Variants in DEF8 observed in about 807,000 individuals in gnomAD.
The protein encoded by DEF8 is differentially expressed in FDCP 8 homolog.
DEF8 carries 38 observed loss-of-function variants against 59.1 expected under a neutral mutation model. That is an observed-to-expected ratio of 0.64 (90% CI 0.50 to 0.84). The LOEUF is 0.84. Ranked by LOEUF, DEF8 falls within the 40% of genes least tolerant of loss-of-function variation. DEF8 has a pLI of 0.00. For missense variants in DEF8, 557 were observed against 615.2 expected (o/e 0.91, Z 1.00); for synonymous variants, 265 against 250.1 (o/e 1.06, Z -0.56).
intron 1 of DEF8, among the ~76,000 whole-genome samples, chr16:89,949,033 G>T (rs2031356616): frequency 1.2e-5 from 1 of 80,938 alleles, no homozygotes; most frequent in Admixed American, 1.0e-4. Flanking sequence ...GGCCGGCGGG[G>T]ACGGGGTCGG....
rs1452715560 is a variant in DEF8, at chr16:89,964,544, G to A, written c.1222G>A (p.Val408Met). Residue 408 changes from valine to methionine, a missense_variant, in exon 12 of 13, where the codon GTG (valine) becomes ATG (methionine). Val to Met is a conservative substitution (Grantham distance 21, BLOSUM62 1). Coordinates refer to ENST00000563594, the MANE Select transcript of DEF8 (RefSeq NM_001242818.2). ...VLFPFDSHTS[V>M]CADCSAVFHR... ...GTTCCCGTTCGACAGCCACACGTCT[G>A]TGTGCGCCGACTGCTCCGCGGTCTT... The A allele has an allele frequency of 1.3e-6, 2 of 1,588,282 alleles. No individual in the cohort carries two copies.
chr16:89,960,923 C>T lies in DEF8; in HGVS notation c.515-8C>T, dbSNP rs368319080. 1.2e-6 allele frequency: 2 copies of T among 1,610,734 alleles called. No individual in the cohort carries two copies. Among genetic ancestry groups the T allele is most frequent in the African/African-American group, 2.7e-5 (2 of 74,862 alleles). On this transcript the variant is annotated splice_polypyrimidine_tract_variant and splice_region_variant and intron_variant, in intron 6 of 12. Coordinates refer to ENST00000563594, the MANE Select transcript of DEF8 (RefSeq NM_001242818.2). ...CGCTTTTGAGAAGTGTGTGTCCCTCCACCCTAGGGTGTTATTACCGCTGTC... is the reference window on the plus strand; with the variant it reads ...CGCTTTTGAGAAGTGTGTGTCCCTCTACCCTAGGGTGTTATTACCGCTGTC...
At chr16:89,951,129 G>A (rs561937407) in intron 2 of DEF8, among the ~76,000 whole-genome samples, 120 of 152,348 alleles carry the variant, frequency 7.9e-4, no homozygotes, top group Non-Finnish European at 1.2e-3. Context: ...AGACATGGGA[G>A]AATGGAGGCA....
Position 89,964,528 on chromosome 16 carries a change from C to G in DEF8, c.1206C>G (p.Phe402Leu). 1.3e-6 allele frequency: 2 copies of G among 1,595,616 alleles called. No homozygotes were observed. The highest frequency in any genetic ancestry group is 2.3e-5 in the South Asian group (2 of 88,128). The change falls in exon 12 of 13, where the codon TTC becomes TTG. Residue 402 changes from phenylalanine to leucine, a missense_variant. Physicochemically the swap from Phe to Leu is conservative, Grantham distance 22 (BLOSUM62 0). Transcript: ENST00000563594. ...LCREGDVLFP[F>L]DSHTSVCADC... ...GAGAGGGCGACGTGCTGTTCCCGTT[C>G]GACAGCCACACGTCTGTGTGCGCCG...
rs2034449856 is a variant in DEF8, at chr16:89,964,643, T to C, written c.1253+68T>C. On this transcript the variant is annotated intron_variant, in intron 12 of 12. Coordinates refer to ENST00000563594, the MANE Select transcript of DEF8 (RefSeq NM_001242818.2). The stretch of plus-strand genomic sequence containing the variant: ...CGCTGTCCTCTGGGGAGCTGCCCCT[T>C]GGCCTCCGGTAGGATGATGCCGTGG... 3.3e-6 allele frequency: 4 copies of C among 1,226,848 alleles called. No individual in the cohort carries two copies. The South Asian group carries it at 5.2e-5, about 16-fold the overall frequency. The allele number at this position is 1,226,848 out of a possible 1,614,324, so 76.0% of individuals were successfully genotyped here.
chr16:89,962,147 T>TG, intron 9 of DEF8, 22 bp downstream of exon 9: 2 of 1,591,160 alleles, frequency 1.3e-6, no homozygotes, highest in Non-Finnish European at 8.6e-7. Flanking sequence ...GCCATGGAAG[T>TG]GGGGGGCGGG....
chr16:89,963,664 A>G (rs1384194703), intron 10 of DEF8: 2 of 566,794 alleles, frequency 3.5e-6, no homozygotes, highest in Non-Finnish European at 6.3e-6. Flanking sequence ...GTGAATCTCC[A>G]TGGGGTGGGT....
At chr16:89,953,686 G>A (rs1487806305) in intron 2 of DEF8, among the ~76,000 whole-genome samples, 1 of 152,218 alleles carries the variant, frequency 6.6e-6, no homozygotes, top group Non-Finnish European at 1.5e-5. Flanking sequence ...ACCTGTGGCA[G>A]AGCAGGAATG....
Position 89,957,553 on chromosome 16 carries a change from A to G in DEF8, c.265A>G (p.Ile89Val). The G allele has an allele frequency of 6.3e-7, 1 of 1,592,934 alleles. No homozygotes were observed. The part of the protein sequence containing the change: ...ASDVQQLRQA[I>V]EECKQVILEL... ...TGACGTCCAGCAGCTGCGGCAGGCG[A>G]TCGAGGAGTGCAAGCAGGTGATTCT... The change falls in exon 5 of 13, where the codon ATC becomes GTC. Residue 89 changes from isoleucine to valine, a missense_variant. Transcript: ENST00000563594.
At chr16:89,960,874 C>G in intron 6 of DEF8, 57 bp from the exon 7 acceptor site, 1 of 1,569,438 alleles carries the variant, frequency 6.4e-7, no homozygotes, top group Non-Finnish European at 8.7e-7. Context: ...CTGAGGGTGG[C>G]CTGGGCTGCA....
intron 10 of DEF8, chr16:89,963,958 G>C: frequency 1.5e-6 from 1 of 669,956 alleles, no homozygotes; most frequent in Non-Finnish European, 2.7e-6. Context: ...AGGGAGTGGA[G>C]GGCGGGGGGC....
chr16:89,954,760 T>C lies in DEF8; in HGVS notation c.124+384T>C, dbSNP rs1015468586. On this transcript the variant is annotated intron_variant, in intron 3 of 12. Transcript: ENST00000563594. This position sits in a 1 kb window ranked among gnomAD's most constrained non-coding sequence, Gnocchi z 4.3. ...AACTGCAGATGAGGTCATCAGGGAG[T>C]GCTTGGAGCGGGGCAGCTGCAGAGA... Among the ~76,000 whole-genome samples, 1 of 152,070 alleles carries C rather than the reference T, an allele frequency of 6.6e-6. No homozygotes were observed. The highest frequency in any genetic ancestry group is 1.9e-4 in the East Asian group (1 of 5,188).
In DEF8 at chr16:89,966,803, G is replaced by C. The variant is rs1275577540; in HGVS notation, c.*840G>C. On this transcript the variant is annotated 3_prime_UTR_variant, in exon 13 of 13. Coordinates refer to ENST00000563594, the MANE Select transcript of DEF8 (RefSeq NM_001242818.2). ...TGGGGGAGGTTCCAGTTAGGCGATGGGATCCTGCAGTGGTCTGGTGGCATT... is the reference window on the plus strand; with the variant it reads ...TGGGGGAGGTTCCAGTTAGGCGATGCGATCCTGCAGTGGTCTGGTGGCATT... 1.3e-5 allele frequency: 2 copies of C among 153,608 alleles called. No individual in the cohort carries two copies. Among genetic ancestry groups the C allele is most frequent in the African/African-American group, 4.8e-5 (2 of 41,494 alleles). The allele number at this position is 153,608 out of a possible 1,614,324, so 9.5% of individuals were successfully genotyped here. A position where few individuals can be genotyped will look rare whatever the true frequency, so the allele number is the denominator to read the frequency against.
At position 89,962,077 on chromosome 16, in the gene DEF8, G is replaced by A; in HGVS notation, c.873G>A (p.Glu291=). The A allele has an allele frequency of 6.2e-7, 1 of 1,614,118 alleles. No homozygotes were observed. The highest frequency in any genetic ancestry group is 8.5e-7 in the Non-Finnish European group (1 of 1,180,004). The change falls in exon 9 of 13, where the codon GAG becomes GAA. Residue 291 remains glutamate (E), a synonymous_variant. Coordinates refer to ENST00000563594, the MANE Select transcript of DEF8 (RefSeq NM_001242818.2). Reference sequence around the variant, plus strand: ...CTCGGCCCGTACTCAGGCTCCGGGAGATCAACCCTCTGCTGTTCAGCTACG... The same window carrying A: ...CTCGGCCCGTACTCAGGCTCCGGGAAATCAACCCTCTGCTGTTCAGCTACG... ...MVSRPVLRLR[E]INPLLFSYVE... is the part of the protein sequence containing the mutation.
At chr16:89,956,055 A>G (rs1051444854) in intron 4 of DEF8, among the ~76,000 whole-genome samples, 1 of 151,562 alleles carries the variant, frequency 6.6e-6, no homozygotes, top group African/African-American at 2.4e-5. Context: ...CCTGGGTGAC[A>G]GAGTGAGACT....
In DEF8 at chr16:89,964,350, C is replaced by T. The variant is rs1252506877; in HGVS notation, c.1143+40C>T. On this transcript the variant is annotated intron_variant, in intron 11 of 12. Transcript: ENST00000563594. ...GAGGGCCGCTCTTCTCCAACCCCAGCCCTGAGGGGGGATTGGCAGGAGAAG... is the reference window on the plus strand; with the variant it reads ...GAGGGCCGCTCTTCTCCAACCCCAGTCCTGAGGGGGGATTGGCAGGAGAAG... The T allele has an allele frequency of 2.6e-6, 4 of 1,555,318 alleles. No individual in the cohort carries two copies. The Admixed American group carries it at 5.6e-5, about 22-fold the overall frequency.
chr16:89,959,524 T>G (rs1023021373), intron 6 of DEF8, among the ~76,000 whole-genome samples: 2 of 152,364 alleles, frequency 1.3e-5, no homozygotes, highest in African/African-American at 4.8e-5. Context: ...AGACGGAGTC[T>G]CACTCAATCG....
intron 7 of DEF8, 134 bp from the exon 8 acceptor site, chr16:89,961,603 C>G: frequency 1.8e-6 from 2 of 1,139,972 alleles, no homozygotes; most frequent in Non-Finnish European, 1.3e-6. Context: ...CACCTGAGGT[C>G]TTCCGGCTGA....
intron 2 of DEF8, chr16:89,950,010 C>T (rs1450515890): frequency 1.9e-6 from 2 of 1,044,762 alleles, no homozygotes; most frequent in African/African-American, 3.4e-5. Flanking sequence ...TGCGCCAGGC[C>T]TGGGGCTGGC....
Sources: allele counts gnomAD v4.1 joint callset (sites outside exome capture counted in the v4.1 genomes callset), GRCh38; gene constraint gnomAD v4.1.1; non-coding constraint Gnocchi (gnomAD v3.1); transcripts MANE v1.5; gene names NCBI Gene and HGNC (gene_info 2026-07-23, HGNC 2026-07-21).